Variants in KCTD20 observed in about 807,000 individuals in gnomAD.
The protein encoded by KCTD20 is potassium channel tetramerization domain containing 20, also known as BTB/POZ domain-containing protein KCTD20.
A neutral mutation model predicts 39.6 loss-of-function variants in KCTD20; 30 were observed. That is an observed-to-expected ratio of 0.76 (90% CI 0.57 to 1.03). The LOEUF is 1.03. Ranked by LOEUF, KCTD20 falls within the 50% of genes least tolerant of loss-of-function variation. The pLI is 0.00. For synonymous variants in KCTD20, 162 were observed against 180.6 expected (o/e 0.90, Z 0.83); for missense variants, 422 against 522.0 (o/e 0.81, Z 1.87).
chr6:36,447,637 AAAAG>A (rs1451695461), intron 1 of KCTD20, among the ~76,000 whole-genome samples: 1 of 152,078 alleles, frequency 6.6e-6, no homozygotes, highest in Non-Finnish European at 1.5e-5. Context: ...CTCAAAAAAA[AAAAG>A]AAAAAAATAT....
intron 2 of KCTD20, among the ~76,000 whole-genome samples, chr6:36,473,492 G>A (rs1775970751): frequency 6.6e-6 from 1 of 151,982 alleles, no homozygotes; most frequent in Non-Finnish European, 1.5e-5. Context: ...AAATTAACTG[G>A]CCAGGCGTGG....
chr6:36,477,661 T>C (rs2127450587), intron 3 of KCTD20, among the ~76,000 whole-genome samples: 1 of 150,568 alleles, frequency 6.6e-6, no homozygotes, highest in South Asian at 2.1e-4. Context: ...TTGTATTTCT[T>C]TTTTTAGTAG....
chr6:36,448,040 T>TATATA (rs1561940752), intron 1 of KCTD20, among the ~76,000 whole-genome samples: 2 of 146,230 alleles, frequency 1.4e-5, no homozygotes, highest in African/African-American at 2.6e-5. Context: ...TATATATATA[T>TATATA]TTGAAATACT....
intron 1 of KCTD20, among the ~76,000 whole-genome samples, chr6:36,449,853 G>A (rs1367053872): frequency 2.0e-5 from 3 of 152,120 alleles, no homozygotes; most frequent in Non-Finnish European, 2.9e-5. Flanking sequence ...GTTCAGCCCC[G>A]ACAATCTGTT....
chr6:36,473,826 TAAAG>T (rs1775983802), intron 2 of KCTD20, among the ~76,000 whole-genome samples: 1 of 152,024 alleles, frequency 6.6e-6, no homozygotes, highest in Non-Finnish European at 1.5e-5. Context: ...ATAAATTGCT[TAAAG>T]AAAACAGCTT....
intron 3 of KCTD20, among the ~76,000 whole-genome samples, chr6:36,476,434 T>TC (rs2127449601): frequency 6.6e-6 from 1 of 151,732 alleles, no homozygotes; most frequent in East Asian, 1.9e-4. Flanking sequence ...AACCATTTTT[T>TC]TTTTTTTTTT....
intron 1 of KCTD20, among the ~76,000 whole-genome samples, chr6:36,448,299 C>G (rs766231467): frequency 7.2e-5 from 11 of 151,940 alleles, no homozygotes; most frequent in Non-Finnish European, 1.3e-4. Context: ...ATATGCTATA[C>G]AAATGTAAAA....
chr6:36,485,279 A>T (rs181250370), intron 7 of KCTD20, among the ~76,000 whole-genome samples: 32 of 151,098 alleles, frequency 2.1e-4, no homozygotes, highest in African/African-American at 7.5e-4. Context: ...AGGTAATTGC[A>T]CTCCAGCCTG....
Position 36,487,244 on chromosome 6 carries a change from G to C in KCTD20, c.*69G>C. On this transcript the variant is annotated 3_prime_UTR_variant, in exon 8 of 8. Transcript: ENST00000373731. ...GGATGCCTGCAGCCAGCCCTCCCTCGTGATTTGTCTCACCTTGAGTAGGAG... is the reference window on the plus strand; with the variant it reads ...GGATGCCTGCAGCCAGCCCTCCCTCCTGATTTGTCTCACCTTGAGTAGGAG... 1 of 1,496,654 alleles carries C rather than the reference G, an allele frequency of 6.7e-7. No homozygotes were observed. Among genetic ancestry groups the C allele is most frequent in the Admixed American group, 1.9e-5 (1 of 51,712 alleles). 92.7% of individuals were successfully genotyped at this position (1,496,654 alleles called of 1,614,324 possible).
intron 3 of KCTD20, among the ~76,000 whole-genome samples, chr6:36,475,380 T>G (rs1582355358): frequency 6.6e-6 from 1 of 150,586 alleles, no homozygotes; most frequent in South Asian, 2.1e-4. Context: ...ACCTGGAAGG[T>G]GGAGGTTGCA....
Position 36,481,618 on chromosome 6 carries a change from C to T in KCTD20, c.715C>T (p.Leu239Phe). ...TGCTCATAAGCAGTTTGATCACTAC[C>T]TCGAAGAGCTCATCTTGCCCATCAT... ...DGAHKQFDHYLEELILPIMVG... is the reference protein window; with the variant it reads ...DGAHKQFDHYFEELILPIMVG... The change falls in exon 6 of 8, where the codon CTC becomes TTC. Residue 239 changes from leucine (L) to phenylalanine (F), a missense_variant. Transcript: ENST00000373731. 2.5e-6 allele frequency: 4 copies of T among 1,614,200 alleles called. No individual in the cohort carries two copies. Among genetic ancestry groups the T allele is most frequent in the Non-Finnish European group, 2.5e-6 (3 of 1,180,036 alleles).
chr6:36,488,107 A>AAT lies in KCTD20; in HGVS notation c.*932_*933insAT, dbSNP rs1446619216. The stretch of plus-strand genomic sequence containing the variant: ...CAGTTTCTCAACAGAAAGACTCATA[A>AAT]GAGTGCCAGCATGGGGTACATGGAG... On this transcript the variant is annotated 3_prime_UTR_variant, in exon 8 of 8. Coordinates refer to ENST00000373731, the MANE Select transcript of KCTD20 (RefSeq NM_173562.5). 3.3e-5 allele frequency: 5 copies of AAT among 152,268 alleles called. No individual in the cohort carries two copies. Among genetic ancestry groups the AAT allele is most frequent in the Admixed American group, 2.0e-4 (3 of 15,288 alleles). 9.4% of individuals were successfully genotyped at this position (152,268 alleles called of 1,614,324 possible).
At chr6:36,460,041 G>A (rs971632981) in intron 1 of KCTD20, among the ~76,000 whole-genome samples, 27 of 152,162 alleles carry the variant, frequency 1.8e-4, no homozygotes, top group Non-Finnish European at 3.2e-4. Context: ...CCTTTAGAGA[G>A]TTTTAGGTAA....
intron 3 of KCTD20, 144 bp from the exon 4 acceptor site, chr6:36,478,977 G>C (rs1055434991): frequency 2.6e-5 from 15 of 582,454 alleles, no homozygotes; most frequent in Non-Finnish European, 4.6e-5. Context: ...GTGTCTTGTA[G>C]GCATTGGGTT....
At chr6:36,484,688 C>A in intron 6 of KCTD20, 26 bp from the exon 7 acceptor site, 1 of 1,132,054 alleles carries the variant, frequency 8.8e-7, no homozygotes, top group Non-Finnish European at 1.3e-6. Flanking sequence ...TACTCCATGG[C>A]TAACCCTATA....
At chr6:36,460,391 C>T (rs762062263) in intron 1 of KCTD20, among the ~76,000 whole-genome samples, 6 of 152,176 alleles carry the variant, frequency 3.9e-5, no homozygotes, top group Non-Finnish European at 8.8e-5. Context: ...GCAACCTCCA[C>T]CTCACAGATT....
chr6:36,454,503 G>A (rs563801618), intron 1 of KCTD20, among the ~76,000 whole-genome samples: 210 of 151,654 alleles, frequency 1.4e-3, no homozygotes, highest in Non-Finnish European at 2.6e-3. Context: ...CACCACACCC[G>A]GCTAATTTTT....
intron 1 of KCTD20, among the ~76,000 whole-genome samples, chr6:36,446,343 T>TA (rs1229789367): frequency 9.9e-5 from 15 of 152,018 alleles, no homozygotes; most frequent in Non-Finnish European, 2.1e-4. Flanking sequence ...TCAGTATTTT[T>TA]AAAAAAATAT....
chr6:36,478,101 A>AAAAAG (rs1554163105), intron 3 of KCTD20, among the ~76,000 whole-genome samples: 1 of 145,702 alleles, frequency 6.9e-6, no homozygotes, highest in African/African-American at 2.6e-5. Flanking sequence ...TCTCAAAAAA[A>AAAAAG]AAAAGAAAAG....
Sources: gnomAD v4.1 joint callset for allele counts (sites outside exome capture counted in the v4.1 genomes callset) on GRCh38, gnomAD v4.1.1 for gene constraint, MANE v1.5 for transcripts, NCBI Gene and HGNC (gene_info 2026-07-23, HGNC 2026-07-21) for gene names.